NAV2: variants seen among roughly 807,000 people sequenced by gnomAD.
NAV2 encodes helicase, APC down-regulated 1.
A neutral mutation model predicts 223.2 loss-of-function variants in NAV2; 54 were observed. The observed-to-expected ratio is 0.24, with a 90% CI of 0.19 to 0.30. The LOEUF is 0.30. Among genes scored for constraint, NAV2 ranks in the 10% least tolerant of loss-of-function variants. The pLI is 1.00. For missense variants in NAV2, 2,806 were observed against 3,147.5 expected (o/e 0.89, Z 2.60); for synonymous variants, 1,279 against 1,239.3 (o/e 1.03, Z -0.67).
chr11:19,554,445 A>G (rs2044799147), intron 1 of NAV2, among the ~76,000 whole-genome samples: 1 of 152,170 alleles, frequency 6.6e-6, no homozygotes, highest in African/African-American at 2.4e-5. Flanking sequence ...TCCATTGCCC[A>G]GCTCCTCCCC....
intron 11 of NAV2, among the ~76,000 whole-genome samples, chr11:20,031,082 G>T (rs1287408498): frequency 2.0e-5 from 3 of 152,068 alleles, no homozygotes; most frequent in Non-Finnish European, 4.4e-5. Context: ...GTTTTTCTCC[G>T]ACTGTTTCAG....
At chr11:19,437,542 C>T (rs1244594853) in intron 1 of NAV2, among the ~76,000 whole-genome samples, 1 of 152,082 alleles carries the variant, frequency 6.6e-6, no homozygotes, top group African/African-American at 2.4e-5. Flanking sequence ...CTGGAAAATA[C>T]TGGGGACAAT....
intron 36 of NAV2, among the ~76,000 whole-genome samples, chr11:20,111,437 C>T (rs2062631559): frequency 1.3e-5 from 2 of 152,230 alleles, no homozygotes; most frequent in African/African-American, 4.8e-5. Flanking sequence ...ACAGTACTTA[C>T]CCAGCCATTC....
chr11:20,080,702 AG>A (rs1456053508), intron 25 of NAV2, among the ~76,000 whole-genome samples: 1 of 152,242 alleles, frequency 6.6e-6, no homozygotes, highest in East Asian at 1.9e-4. Flanking sequence ...TATAAATAAA[AG>A]TGTCCTAATG....
intron 3 of NAV2, among the ~76,000 whole-genome samples, chr11:19,859,868 GC>G (rs2061605558): frequency 7.2e-6 from 1 of 139,606 alleles, no homozygotes; most frequent in African/African-American, 2.7e-5. Context: ...CGGGCGGGGG[GC>G]TGACCCCCCC....
At chr11:19,768,434 C>A (rs1184087125) in intron 1 of NAV2, among the ~76,000 whole-genome samples, 2 of 152,046 alleles carry the variant, frequency 1.3e-5, no homozygotes, top group African/African-American at 4.8e-5. Context: ...CTTCTGGGCA[C>A]CCCTCCGAGA....
chr11:20,082,896 G>A, intron 25 of NAV2, 111 bp from the exon 26 acceptor site: 2 of 1,052,846 alleles, frequency 1.9e-6, no homozygotes, highest in Non-Finnish European at 2.7e-6. Flanking sequence ...TTCCATTGGT[G>A]GGGGGAAAAA....
intron 1 of NAV2, among the ~76,000 whole-genome samples, chr11:19,766,496 A>G (rs1225395297): frequency 6.6e-6 from 1 of 152,206 alleles, no homozygotes; most frequent in Non-Finnish European, 1.5e-5. Flanking sequence ...TCTCTTAAGG[A>G]GGGAGTGAAG....
chr11:20,082,935 G>A (rs2060181250), intron 25 of NAV2, 72 bp from the exon 26 acceptor site: 1 of 1,388,586 alleles, frequency 7.2e-7, no homozygotes, highest in African/African-American at 1.4e-5. Flanking sequence ...TTTTTTGTGT[G>A]CATGTCTCTG....
At chr11:19,898,949 TAACATAGTACAAA>T (rs1202865964) in intron 6 of NAV2, among the ~76,000 whole-genome samples, 3 of 152,192 alleles carry the variant, frequency 2.0e-5, no homozygotes, top group African/African-American at 7.2e-5. Flanking sequence ...CCAGTTGCCT[TAACATAGTACAAA>T]AAAGCACTTG....
intron 1 of NAV2, among the ~76,000 whole-genome samples, chr11:19,785,647 C>CTTTT (rs3214722): frequency 2.3e-4 from 33 of 141,858 alleles, no homozygotes; most frequent in Admixed American, 1.2e-3. Context: ...CGTCAGCTGG[C>CTTTT]TTTTTTTTTT....
chr11:19,862,501 C>T (rs190334067), intron 3 of NAV2, among the ~76,000 whole-genome samples: 25 of 152,266 alleles, frequency 1.6e-4, no homozygotes, highest in East Asian at 1.5e-3. Flanking sequence ...TATGACAGGA[C>T]GAAGTTGGCT....
chr11:19,779,501 T>G (rs2056572225), intron 1 of NAV2, among the ~76,000 whole-genome samples: 1 of 152,242 alleles, frequency 6.6e-6, no homozygotes, highest in African/African-American at 2.4e-5. Context: ...TGTTGTGTGT[T>G]TTGTGCAGAG....
chr11:19,392,165 T>C (rs2133225018), intron 1 of NAV2, among the ~76,000 whole-genome samples: 1 of 152,328 alleles, frequency 6.6e-6, no homozygotes, highest in Non-Finnish European at 1.5e-5. Context: ...GCATACACTT[T>C]GCCAGCTGCG....
intron 1 of NAV2, among the ~76,000 whole-genome samples, chr11:19,620,688 C>A (rs552488211): frequency 2.4e-4 from 36 of 152,308 alleles, no homozygotes; most frequent in African/African-American, 8.2e-4. Flanking sequence ...TCTAAATATA[C>A]AATCATGTCA....
At chr11:19,826,224 C>T (rs2059634658) in intron 1 of NAV2, among the ~76,000 whole-genome samples, 1 of 152,192 alleles carries the variant, frequency 6.6e-6, no homozygotes, top group African/African-American at 2.4e-5. Flanking sequence ...CACAGCTATC[C>T]ACCTGGGGGC....
intron 11 of NAV2, among the ~76,000 whole-genome samples, chr11:20,006,924 G>A (rs759341625): frequency 1.3e-4 from 19 of 151,892 alleles, no homozygotes; most frequent in Admixed American, 3.3e-4. Flanking sequence ...GTAGAGCTGA[G>A]ACTGGACCCT....
chr11:19,553,273 T>G (rs1181647702), intron 1 of NAV2, among the ~76,000 whole-genome samples: 1 of 152,080 alleles, frequency 6.6e-6, no homozygotes, highest in Non-Finnish European at 1.5e-5. Flanking sequence ...ATACAGGAGG[T>G]CAACAGCCCC....
Position 20,063,655 on chromosome 11 carries a change from G to A in NAV2, c.4884+1296G>A, listed in dbSNP as rs987887527. Reference sequence around the variant, plus strand: ...CTCCCGAAGTGTTGGGATTACAGGCGTGAGCCACCGCGCATGGCTATAGCT... The same window carrying A: ...CTCCCGAAGTGTTGGGATTACAGGCATGAGCCACCGCGCATGGCTATAGCT... On this transcript the variant is annotated intron_variant, in intron 20 of 37. Transcript: ENST00000349880. 3.9e-5 allele frequency among the ~76,000 whole-genome samples: 6 copies of A among 152,104 alleles called. No homozygotes were observed. In the South Asian group the frequency reaches 6.2e-4, roughly 16 times the overall value.
Sources: gnomAD v4.1 joint callset for allele counts (sites outside exome capture counted in the v4.1 genomes callset) on GRCh38, gnomAD v4.1.1 for gene constraint, MANE v1.5 for transcripts, NCBI Gene and HGNC (gene_info 2026-07-23, HGNC 2026-07-21) for gene names.